GRM7: variants seen among roughly 807,000 people sequenced by gnomAD.
GRM7 encodes glutamate metabotropic receptor 7, also known as metabotropic glutamate receptor 7.
In GRM7, 35 loss-of-function variants were observed where a neutral mutation model predicts 84.5. The observed-to-expected ratio is 0.41, with a 90% CI of 0.32 to 0.55. The LOEUF is 0.55. GRM7 is among the 20% of genes least tolerant of loss of function. The pLI, the probability that GRM7 is intolerant of heterozygous loss-of-function variation, is 0.19. For synonymous variants in GRM7, 487 were observed against 455.1 expected (o/e 1.07, Z -0.89); for missense variants, 1,003 against 1,194.6 (o/e 0.84, Z 2.36).
Position 7,425,984 on chromosome 3 carries a change from C to T in GRM7, c.1174+10821C>T, listed in dbSNP as rs188113286. Among the ~76,000 whole-genome samples the T allele has an allele frequency of 4.6e-5, 7 of 152,178 alleles. No homozygotes were observed. In the East Asian group the frequency reaches 1.4e-3, roughly 29 times the overall value. On this transcript the variant is annotated intron_variant, in intron 5 of 9. Coordinates refer to ENST00000357716, the MANE Select transcript of GRM7 (RefSeq NM_000844.4). ...TTCCTTGGATGAGTTTTGAGATTGC[C>T]AAATAAGTGTTACTGAGCTTTAAGA...
At chr3:7,456,027 T>C (rs189852908) in intron 6 of GRM7, among the ~76,000 whole-genome samples, 1 of 152,266 alleles carries the variant, frequency 6.6e-6, no homozygotes, top group East Asian at 1.9e-4. Flanking sequence ...CTACAAGTTA[T>C]GTTCTTTCTG....
chr3:7,620,133 T>C (rs1004721725), intron 8 of GRM7, among the ~76,000 whole-genome samples: 2 of 152,082 alleles, frequency 1.3e-5, no homozygotes, highest in Non-Finnish European at 1.5e-5. Context: ...AGAAAGATGG[T>C]TAAGACTCAT....
At chr3:7,111,427 A>G (rs1411179299) in intron 1 of GRM7, among the ~76,000 whole-genome samples, 1 of 152,162 alleles carries the variant, frequency 6.6e-6, no homozygotes. Context: ...GACCAAGTCA[A>G]GAAGCATTTA....
intron 1 of GRM7, among the ~76,000 whole-genome samples, chr3:7,106,053 A>G (rs1287168762): frequency 6.6e-6 from 1 of 151,864 alleles, no homozygotes; most frequent in African/African-American, 2.4e-5. Flanking sequence ...CATAGACTTT[A>G]TTTAACCATT....
At chr3:7,280,863 T>C (rs1465488086) in intron 2 of GRM7, among the ~76,000 whole-genome samples, 1 of 152,216 alleles carries the variant, frequency 6.6e-6, no homozygotes. Flanking sequence ...ACCAGATAAG[T>C]AGAAATGGTG....
chr3:7,696,505 T>C (rs1701025488), intron 9 of GRM7, among the ~76,000 whole-genome samples: 1 of 152,178 alleles, frequency 6.6e-6, no homozygotes, highest in Non-Finnish European at 1.5e-5. Context: ...TATTCACTCA[T>C]CATGCCATGT....
At chr3:7,224,411 C>T (rs1004549507) in intron 2 of GRM7, among the ~76,000 whole-genome samples, 3 of 152,162 alleles carry the variant, frequency 2.0e-5, no homozygotes, top group African/African-American at 7.2e-5. Flanking sequence ...CAATCACCTC[C>T]CACAGGCCCC....
intron 7 of GRM7, among the ~76,000 whole-genome samples, chr3:7,474,384 A>T (rs534309742): frequency 7.9e-5 from 12 of 151,936 alleles, no homozygotes; most frequent in African/African-American, 2.7e-4. Context: ...TGCTTTGATC[A>T]GTCCACCTTT....
At chr3:7,215,565 T>G (rs938465798) in intron 2 of GRM7, among the ~76,000 whole-genome samples, 1 of 151,920 alleles carries the variant, frequency 6.6e-6, no homozygotes, top group African/African-American at 2.4e-5. Context: ...CTCGGGAGGC[T>G]GAGGCAGAAG....
chr3:6,975,427 T>C (rs2125099281), intron 1 of GRM7, among the ~76,000 whole-genome samples: 1 of 152,318 alleles, frequency 6.6e-6, no homozygotes, highest in East Asian at 1.9e-4. Context: ...ACTTTCTACC[T>C]GTACAAGATT....
intron 1 of GRM7, chr3:6,893,778 C>T (rs1696063123): frequency 6.6e-6 from 1 of 152,118 alleles, no homozygotes; most frequent in Admixed American, 6.6e-5. Flanking sequence ...GGTATTCTAA[C>T]AATAACACTA....
intron 4 of GRM7, among the ~76,000 whole-genome samples, chr3:7,364,575 A>G (rs1377382483): frequency 6.6e-6 from 1 of 151,606 alleles, no homozygotes; most frequent in Non-Finnish European, 1.5e-5. Context: ...CTCCTATCAG[A>G]CTGACTTTTT....
chr3:7,072,439 T>C (rs1227410652), intron 1 of GRM7, among the ~76,000 whole-genome samples: 1 of 152,230 alleles, frequency 6.6e-6, no homozygotes, highest in Non-Finnish European at 1.5e-5. Context: ...CCCAGCACTT[T>C]AGGAGGCTGA....
chr3:7,364,176 A>G (rs1410163283), intron 4 of GRM7, among the ~76,000 whole-genome samples: 2 of 151,912 alleles, frequency 1.3e-5, no homozygotes, highest in Non-Finnish European at 2.9e-5. Context: ...AGTTGTGAGA[A>G]AAAGAATTTC....
In GRM7 at chr3:7,677,157, C is replaced by G. The variant is rs566363748; in HGVS notation, c.2452-2892C>G. Among the ~76,000 whole-genome samples the G allele has an allele frequency of 9.2e-4, 137 of 149,698 alleles. 2 individuals are homozygous for G. The South Asian group carries it at 0.027, about 29-fold the overall frequency. ...CGTGCCTGTAGTCCCAGCTACTCAG[C>G]AGACTGAGGCAGGAGACTCGCTTGA... is the stretch of plus-strand genomic sequence containing the variant. On this transcript the variant is annotated intron_variant, in intron 8 of 9. Transcript: ENST00000357716.
At chr3:6,933,558 A>G (rs1392475995) in intron 1 of GRM7, among the ~76,000 whole-genome samples, 1 of 152,172 alleles carries the variant, frequency 6.6e-6, no homozygotes, top group Non-Finnish European at 1.5e-5. Flanking sequence ...ATAAAATGCA[A>G]CTTGCAACTT....
intron 9 of GRM7, among the ~76,000 whole-genome samples, chr3:7,738,689 C>T (rs962470703): frequency 8.6e-5 from 13 of 150,512 alleles, no homozygotes; most frequent in African/African-American, 3.2e-4. Flanking sequence ...AAGGTGGTCT[C>T]AGGTATTTAG....
chr3:7,400,246 G>A (rs1575278827), intron 4 of GRM7, among the ~76,000 whole-genome samples: 1 of 152,254 alleles, frequency 6.6e-6, no homozygotes, highest in African/African-American at 2.4e-5. Flanking sequence ...ATTTCCAAGT[G>A]TTGTAAGGAT....
intron 2 of GRM7, among the ~76,000 whole-genome samples, chr3:7,168,063 C>G (rs1213668897): frequency 6.8e-6 from 1 of 146,314 alleles, no homozygotes; most frequent in East Asian, 2.1e-4. Flanking sequence ...CTCACTCTTT[C>G]ATGAGCTCAT....
Sources: gnomAD v4.1 joint callset for allele counts (sites outside exome capture counted in the v4.1 genomes callset) on GRCh38, gnomAD v4.1.1 for gene constraint, MANE v1.5 for transcripts, NCBI Gene and HGNC (gene_info 2026-07-23, HGNC 2026-07-21) for gene names.